RUNX3: variants seen among roughly 807,000 people sequenced by gnomAD.
RUNX3 encodes the protein runt-related transcription factor 3.
A neutral mutation model predicts 27.7 loss-of-function variants in RUNX3; 10 were observed. That is an observed-to-expected ratio of 0.36 (90% CI 0.22 to 0.61). RUNX3 has a LOEUF of 0.61. RUNX3 is among the 20% of genes least tolerant of loss of function. RUNX3 has a pLI of 0.72. For synonymous variants in RUNX3, 270 were observed against 269.2 expected, an observed-to-expected ratio of 1.00 and a Z score of -0.03; for missense variants, 469 against 629.5, an observed-to-expected ratio of 0.75 and a Z score of 2.73.
At chr1:24,964,424 C>T in intron 2 of RUNX3, 2 of 1,079,636 alleles carry the variant, frequency 1.9e-6, no homozygotes, top group South Asian at 1.3e-5. Flanking sequence ...AGGCTGTGCG[C>T]TTGAGGGCAG....
chr1:24,913,374 C>T (rs903646783), intron 3 of RUNX3, among the ~76,000 whole-genome samples: 7 of 152,258 alleles, frequency 4.6e-5, no homozygotes, highest in Non-Finnish European at 8.8e-5. Context: ...TCTCACCCAC[C>T]AGTGGTCACT....
chr1:24,911,571 A>G (rs1287438939), intron 3 of RUNX3, among the ~76,000 whole-genome samples: 1 of 152,158 alleles, frequency 6.6e-6, no homozygotes, highest in African/African-American at 2.4e-5. Context: ...CATCATGACC[A>G]TCGCTTTTAT....
rs373901213 is a variant in RUNX3 at position 24,906,942 on chromosome 1, C to A, written c.703+317G>T. Reference sequence around the variant, plus strand: ...CACGGCTCCTTGGACAAGTCATGCCCCAATTTTAATAGGGGCACTATGGGG... The same window carrying A: ...CACGGCTCCTTGGACAAGTCATGCCACAATTTTAATAGGGGCACTATGGGG... On this transcript the variant is annotated intron_variant, in intron 4 of 4. Transcript: ENST00000308873. Among the ~76,000 whole-genome samples the A allele has an allele frequency of 2.2e-4, 33 of 152,272 alleles. No individual in the cohort carries two copies. The East Asian group carries it at 4.3e-3, about 20-fold the overall frequency.
intron 2 of RUNX3, among the ~76,000 whole-genome samples, chr1:24,951,756 G>A (rs1181177584): frequency 6.6e-6 from 1 of 152,226 alleles, no homozygotes; most frequent in African/African-American, 2.4e-5. Flanking sequence ...CTGGATGCAG[G>A]CTGCCTGGGT....
At chr1:24,937,049 T>C (rs893930894) in intron 2 of RUNX3, among the ~76,000 whole-genome samples, 23 of 152,248 alleles carry the variant, frequency 1.5e-4, no homozygotes, top group African/African-American at 4.6e-4. Flanking sequence ...GTCGGTCTTT[T>C]ATGCCGCCTC....
At chr1:24,948,436 T>G (rs567197370) in intron 2 of RUNX3, among the ~76,000 whole-genome samples, 75 of 152,266 alleles carry the variant, frequency 4.9e-4, no homozygotes, top group African/African-American at 1.2e-3. Flanking sequence ...CTTTGGTTGC[T>G]GAGCTGGGAC....
intron 3 of RUNX3, among the ~76,000 whole-genome samples, chr1:24,912,798 T>C (rs16830141): frequency 0.1 from 15,897 of 151,544 alleles, 1,577 homozygotes; most frequent in African/African-American, 0.26. Context: ...AAAACACATC[T>C]ATTGTGGCGG....
At chr1:24,952,740 A>T (rs948941304) in intron 2 of RUNX3, among the ~76,000 whole-genome samples, 2 of 152,212 alleles carry the variant, frequency 1.3e-5, no homozygotes, top group Admixed American at 1.3e-4. Context: ...GGTCACTAGC[A>T]TCAATGTCTC....
At chr1:24,919,414 T>G in intron 2 of RUNX3, 70 bp from the exon 3 acceptor site, 3 of 998,476 alleles carry the variant, frequency 3.0e-6, no homozygotes, top group East Asian at 5.1e-5. Context: ...CTCTCCCACC[T>G]GTATCTACCC....
At chr1:24,934,735 G>A (rs1264195970), upstream of RUNX3, among the ~76,000 whole-genome samples, 1 of 152,160 alleles carries the variant, frequency 6.6e-6, no homozygotes, top group East Asian at 1.9e-4. Flanking sequence ...AAAATGTGGG[G>A]CATGAACGCA....
chr1:24,914,937 C>T (rs1335146169), intron 3 of RUNX3, among the ~76,000 whole-genome samples: 1 of 152,210 alleles, frequency 6.6e-6, no homozygotes, highest in African/African-American at 2.4e-5. Flanking sequence ...CCATCCCTTG[C>T]ACGCTCCACT....
rs866326495 is a variant in RUNX3, at chr1:24,962,813, C to T, written c.58+1701G>A. Reference sequence around the variant, plus strand: ...CTACTGCCAGCCACCTCCCAGGCTCCGAGGATCAGGACCCAGCCCAGGCCG... The same window carrying T: ...CTACTGCCAGCCACCTCCCAGGCTCTGAGGATCAGGACCCAGCCCAGGCCG... On this transcript the variant is annotated intron_variant, in intron 2 of 6. Transcript: ENST00000338888. The surrounding 1 kb of genome is among the most constrained non-coding windows in gnomAD (Gnocchi z 4.5). 2.0e-5 allele frequency among the ~76,000 whole-genome samples: 3 copies of T among 152,194 alleles called. No individual in the cohort carries two copies. The highest frequency in any genetic ancestry group is 4.8e-5 in the African/African-American group (2 of 41,436).
intron 1 of RUNX3, chr1:24,929,346 G>T: frequency 1.4e-6 from 1 of 693,072 alleles, no homozygotes; most frequent in South Asian, 1.5e-5. Context: ...TCTACGCAAG[G>T]CGCCCCAAAA....
intron 2 of RUNX3, among the ~76,000 whole-genome samples, chr1:24,963,590 G>GTCT (rs1642176473): frequency 6.6e-6 from 1 of 152,128 alleles, no homozygotes; most frequent in Non-Finnish European, 1.5e-5. Context: ...CCCTCCTAAG[G>GTCT]TCTCTCAGCA....
At chr1:24,922,464 A>T (rs1641018328) in intron 2 of RUNX3, among the ~76,000 whole-genome samples, 1 of 152,148 alleles carries the variant, frequency 6.6e-6, no homozygotes, top group Admixed American at 6.5e-5. Context: ...CAGAGGTATT[A>T]TCAGCCGTAC....
At chr1:24,905,002 C>A (rs1425313553) in intron 4 of RUNX3, among the ~76,000 whole-genome samples, 2 of 152,234 alleles carry the variant, frequency 1.3e-5, no homozygotes, top group African/African-American at 2.4e-5. Flanking sequence ...TGAGCCCTTT[C>A]AGCTGTGAGA....
intron 2 of RUNX3, chr1:24,961,611 C>G (rs1642115117): frequency 6.6e-6 from 1 of 152,216 alleles, no homozygotes; most frequent in Non-Finnish European, 1.5e-5. Context: ...CCAAGCCTGC[C>G]TGAGAGGCAC....
At chr1:24,928,255 C>T (rs1641137532) in intron 1 of RUNX3, among the ~76,000 whole-genome samples, 1 of 152,198 alleles carries the variant, frequency 6.6e-6, no homozygotes, top group Admixed American at 6.5e-5. Context: ...AGCCTAAATT[C>T]GTTATGCAGA....
At chr1:24,960,970 C>G (rs151040023) in intron 2 of RUNX3, among the ~76,000 whole-genome samples, 20 of 152,294 alleles carry the variant, frequency 1.3e-4, no homozygotes, top group African/African-American at 4.8e-4. Context: ...ACCTTCCATT[C>G]CAGCTTCTAG....
Sources: gnomAD v4.1 joint callset for allele counts (sites outside exome capture counted in the v4.1 genomes callset) on GRCh38, gnomAD v4.1.1 for gene constraint, Gnocchi (gnomAD v3.1) non-coding constraint, MANE v1.5 for transcripts, NCBI Gene and HGNC (gene_info 2026-07-23, HGNC 2026-07-21) for gene names.